PDE1C: variants seen among roughly 807,000 people sequenced by gnomAD.
PDE1C encodes the protein dual specificity calcium/calmodulin-dependent 3',5'-cyclic nucleotide phosphodiesterase 1C.
Under a neutral mutation model 93.1 loss-of-function variants are expected in PDE1C, and 62 were observed. That is an observed-to-expected ratio of 0.67 (90% CI 0.54 to 0.82). The LOEUF (loss-of-function observed/expected upper bound fraction) is 0.82, where lower values mean the gene tolerates loss of function less well. PDE1C is among the 40% of genes least tolerant of loss of function. The pLI, the probability that PDE1C is intolerant of heterozygous loss-of-function variation, is 0.00. For missense variants in PDE1C, 742 were observed against 884.6 expected (o/e 0.84, Z 2.04); for synonymous variants, 325 against 310.1 (o/e 1.05, Z -0.50).
At chr7:32,307,045 G>T (rs1228070239) in intron 1 of PDE1C, among the ~76,000 whole-genome samples, 2 of 152,186 alleles carry the variant, frequency 1.3e-5, no homozygotes, top group Non-Finnish European at 2.9e-5. Context: ...TCCTGGAGAG[G>T]ATTCAGACCT....
chr7:32,260,262 A>C (rs1373695972), intron 1 of PDE1C, among the ~76,000 whole-genome samples: 1 of 152,250 alleles, frequency 6.6e-6, no homozygotes, highest in Non-Finnish European at 1.5e-5. Context: ...TGAGCAAATC[A>C]GTCAACAGTG....
upstream of PDE1C, among the ~76,000 whole-genome samples, chr7:32,072,807 A>G (rs140429650): frequency 2.2e-3 from 331 of 152,332 alleles, no homozygotes; most frequent in African/African-American, 7.3e-3. Context: ...ACTAGAAAAG[A>G]CCAGAGTTTG....
intron 2 of PDE1C, among the ~76,000 whole-genome samples, chr7:32,045,318 C>A (rs149625067): frequency 2.6e-4 from 40 of 152,168 alleles, no homozygotes; most frequent in African/African-American, 9.4e-4. Context: ...GTGACTGGGG[C>A]TCTAACCAGA....
In PDE1C at chr7:32,169,823, C is replaced by T. The variant is rs1802534117; in HGVS notation, c.270G>A (p.Gln90=). 8 of 1,612,738 alleles carry T rather than the reference C, an allele frequency of 5.0e-6. No individual in the cohort carries two copies. In the East Asian group the frequency reaches 1.8e-4, roughly 36 times the overall value. ...TCACCAAGACTTCTGGGCTATCCAG[C>T]TGTGGCAATTCATCAGCTAGGATCT... The change falls in exon 3 of 19, where the codon CAG becomes CAA. Residue 90 remains glutamine (Q), a synonymous_variant. Transcript: ENST00000396193.
intron 2 of PDE1C, among the ~76,000 whole-genome samples, chr7:31,955,556 G>A (rs911885139): frequency 2.0e-5 from 3 of 152,028 alleles, no homozygotes; most frequent in Non-Finnish European, 4.4e-5. Context: ...CCCAAAATGG[G>A]GTGGGGCAGT....
At chr7:31,637,423 G>A in the PDE1C span, among the ~76,000 whole-genome samples, 3 of 152,110 alleles carry the variant, frequency 2.0e-5, no homozygotes, top group East Asian at 1.9e-4. Flanking sequence ...TTTAATGATC[G>A]CCAGTCTAAC....
intron 3 of PDE1C, among the ~76,000 whole-genome samples, chr7:32,103,054 G>A (rs976153530): frequency 3.9e-5 from 6 of 152,124 alleles, no homozygotes; most frequent in African/African-American, 1.4e-4. Context: ...AATTCCTTGG[G>A]CTAAAAGCAC....
chr7:32,207,450 G>A (rs1341624717), intron 2 of PDE1C, among the ~76,000 whole-genome samples: 1 of 151,848 alleles, frequency 6.6e-6, no homozygotes, highest in Non-Finnish European at 1.5e-5. Context: ...GTTTCAAGGT[G>A]GTAAAGTGAA....
the PDE1C span, among the ~76,000 whole-genome samples, chr7:31,637,746 T>A: frequency 6.6e-6 from 1 of 152,214 alleles, no homozygotes; most frequent in Non-Finnish European, 1.5e-5. Context: ...TTTGATTAGA[T>A]CCCATTTGTC....
chr7:32,216,730 AT>A (rs1286641889), intron 1 of PDE1C, among the ~76,000 whole-genome samples: 2 of 152,146 alleles, frequency 1.3e-5, no homozygotes, highest in African/African-American at 4.8e-5. Flanking sequence ...AGACTGGCTA[AT>A]TTTTTTCAAG....
intron 17 of PDE1C, among the ~76,000 whole-genome samples, chr7:31,764,767 A>G (rs944877023): frequency 6.6e-6 from 1 of 152,214 alleles, no homozygotes; most frequent in Non-Finnish European, 1.5e-5. Context: ...ATAGGTATGC[A>G]GTATATGCAT....
intron 1 of PDE1C, among the ~76,000 whole-genome samples, chr7:32,054,222 G>A (rs1020967164): frequency 3.3e-5 from 5 of 152,224 alleles, no homozygotes; most frequent in East Asian, 3.9e-4. Context: ...ACCGTTCTCC[G>A]TGGCATTGCA....
the PDE1C span, among the ~76,000 whole-genome samples, chr7:31,739,200 GACACACACACACACACAC>G: frequency 2.1e-5 from 3 of 143,070 alleles, no homozygotes; most frequent in Admixed American, 2.1e-4. Context: ...GTAACTTTTA[GACACACACACACACACAC>G]ACACACACAC....
intron 3 of PDE1C, among the ~76,000 whole-genome samples, chr7:32,083,289 G>A (rs1796835364): frequency 6.7e-6 from 1 of 149,992 alleles, no homozygotes; most frequent in Non-Finnish European, 1.5e-5. Flanking sequence ...AGTGAGAAGG[G>A]AAGTTTACAG....
chr7:32,374,287 GAA>G (rs1159943590), intron 1 of PDE1C, among the ~76,000 whole-genome samples: 6 of 148,942 alleles, frequency 4.0e-5, no homozygotes, highest in African/African-American at 1.5e-4. Context: ...AAGAAAGAAA[GAA>G]AGAAAGAAAG....
intron 1 of PDE1C, among the ~76,000 whole-genome samples, chr7:32,212,912 G>T (rs1806155577): frequency 6.6e-6 from 1 of 152,146 alleles, no homozygotes; most frequent in Non-Finnish European, 1.5e-5. Flanking sequence ...GATGCATCTG[G>T]TGTGAGGCCC....
At chr7:32,284,036 G>A (rs1346872386) in intron 1 of PDE1C, among the ~76,000 whole-genome samples, 2 of 152,072 alleles carry the variant, frequency 1.3e-5, no homozygotes, top group Admixed American at 1.3e-4. Context: ...AAAGACTAGA[G>A]CCTCAAGGTG....
intron 1 of PDE1C, among the ~76,000 whole-genome samples, chr7:32,359,464 A>C (rs1784093464): frequency 6.6e-6 from 1 of 152,170 alleles, no homozygotes; most frequent in South Asian, 2.1e-4. Flanking sequence ...TTCCCACTAA[A>C]TTGTAAATCC....
At chr7:31,856,383 G>A (rs77923737) in intron 7 of PDE1C, among the ~76,000 whole-genome samples, 6,486 of 152,204 alleles carry the variant, frequency 0.043, 219 homozygotes, top group South Asian at 0.094. Context: ...AATCGATCAC[G>A]GAAATTCAAC....
Sources: allele counts gnomAD v4.1 joint callset (sites outside exome capture counted in the v4.1 genomes callset), GRCh38; gene constraint gnomAD v4.1.1; transcripts MANE v1.5; gene names NCBI Gene and HGNC (gene_info 2026-07-23, HGNC 2026-07-21).